The following ABCA4 variants were observed in gnomAD, a reference collection of about 807,000 sequenced individuals.
ABCA4 encodes the protein ATP binding cassette subfamily A member 4.
In ABCA4, 196 loss-of-function variants were observed where a neutral mutation model predicts 263.7. The ratio of observed to expected loss-of-function variants is 0.74; its 90% CI spans 0.66 to 0.84. The LOEUF (loss-of-function observed/expected upper bound fraction) is 0.84, where lower values mean the gene tolerates loss of function less well. Among genes scored for constraint, ABCA4 ranks in the 40% least tolerant of loss-of-function variants. ABCA4 has a pLI of 0.00. For missense variants in ABCA4, 2,792 were observed against 2,855.1 expected (o/e 0.98, Z 0.50); for synonymous variants, 1,133 against 1,094.2 (o/e 1.04, Z -0.70).
At chr1:94,073,371 G>A (rs944643813) in intron 11 of ABCA4, among the ~76,000 whole-genome samples, 13 of 152,110 alleles carry the variant, frequency 8.5e-5, no homozygotes, top group Admixed American at 2.0e-4. Flanking sequence ...AAGTCCTGGC[G>A]GCCCCGGAGG....
intron 40 of ABCA4, 78 bp downstream of exon 40, chr1:94,010,722 G>C: frequency 1.2e-6 from 2 of 1,604,738 alleles, no homozygotes; most frequent in South Asian, 2.2e-5. Context: ...CCTGAGGAAA[G>C]AAATGACCAT....
chr1:94,070,822 A>G (rs1223627691), intron 11 of ABCA4, among the ~76,000 whole-genome samples: 1 of 152,166 alleles, frequency 6.6e-6, no homozygotes, highest in African/African-American at 2.4e-5. Context: ...ACATGGAAGA[A>G]GCATGAAGGG....
intron 1 of ABCA4, among the ~76,000 whole-genome samples, chr1:94,115,925 C>T (rs1313891452): frequency 6.6e-6 from 1 of 152,158 alleles, no homozygotes. Flanking sequence ...ACACACCGTC[C>T]CCTGCTCCAT....
At chr1:94,113,215 AC>A (rs1300049664) in intron 1 of ABCA4, 149 bp from the exon 2 acceptor site, 47 of 751,118 alleles carry the variant, frequency 6.3e-5, no homozygotes, top group Non-Finnish European at 9.6e-5. Context: ...TCCTTCCTTT[AC>A]CCCCTCCCCA....
At chr1:94,016,002 CAT>C in intron 36 of ABCA4, 148 bp from the exon 37 acceptor site, 1 of 748,402 alleles carries the variant, frequency 1.3e-6, no homozygotes, top group Non-Finnish European at 2.3e-6. Context: ...GGTTGGCAAA[CAT>C]ATGTTAAGCT....
intron 11 of ABCA4, among the ~76,000 whole-genome samples, chr1:94,072,603 A>G (rs1296115164): frequency 2.6e-5 from 4 of 152,208 alleles, no homozygotes; most frequent in African/African-American, 9.6e-5. Flanking sequence ...AATATATGTG[A>G]ATAAAGACAC....
At chr1:94,011,886 G>A (rs1659555927) in intron 38 of ABCA4, among the ~76,000 whole-genome samples, 1 of 152,166 alleles carries the variant, frequency 6.6e-6, no homozygotes, top group African/African-American at 2.4e-5. Flanking sequence ...GAAACAACAG[G>A]AGCCCTCAAG....
In ABCA4 at chr1:94,036,684, A is replaced by G. The variant is rs1477530039; in HGVS notation, c.3862+56T>C. The G allele has an allele frequency of 1.3e-5, 21 of 1,579,766 alleles. No individual in the cohort carries two copies. In the Admixed American group the frequency reaches 3.5e-4, roughly 26 times the overall value. ...GTGCCCAGCCCCTTAGACTTTCGAG[A>G]TGGAACTTGGGAGGGAGGCAAGGAA... On this transcript the variant is annotated intron_variant, in intron 26 of 49. Coordinates refer to ENST00000370225, the MANE Select transcript of ABCA4 (RefSeq NM_000350.3).
At chr1:94,031,224 C>T in intron 27 of ABCA4, 104 bp from the exon 28 acceptor site, 3 of 1,471,196 alleles carry the variant, frequency 2.0e-6, no homozygotes, top group South Asian at 2.4e-5. Flanking sequence ...CCTGCAGCCT[C>T]CTAATCAGCC....
At chr1:94,019,876 G>A in intron 35 of ABCA4, 117 bp from the exon 36 acceptor site, 2 of 1,120,652 alleles carry the variant, frequency 1.8e-6, no homozygotes, top group Non-Finnish European at 2.6e-6. Flanking sequence ...TGGCCTCCAG[G>A]TTCCTCTTCT....
intron 47 of ABCA4, among the ~76,000 whole-genome samples, chr1:93,999,150 A>G (rs1458897694): frequency 6.6e-6 from 1 of 151,956 alleles, no homozygotes; most frequent in Non-Finnish European, 1.5e-5. Flanking sequence ...AGTTCAAGCA[A>G]TTCTTGTGCC....
In ABCA4 at chr1:94,029,557, T is replaced by G; in HGVS notation, c.4427A>C (p.Lys1476Thr). 1 of 1,613,748 alleles carries G rather than the reference T, an allele frequency of 6.2e-7. No homozygotes were observed. The highest frequency in any genetic ancestry group is 1.1e-5 in the South Asian group (1 of 90,884). ...VSPNITQLFQ[K>T]QKWTQVNPSP... ...AGGGTTGACCTGTGTCCATTTCTGC[T>G]TCTGGAACAGCTGGGTGATGTTTGG... The change falls in exon 30 of 50, where the codon AAG becomes ACG. Residue 1476 changes from lysine to threonine, a missense_variant. Coordinates refer to ENST00000370225, the MANE Select transcript of ABCA4 (RefSeq NM_000350.3).
chr1:94,101,754 G>T (rs771506982), intron 5 of ABCA4, among the ~76,000 whole-genome samples: 2 of 152,176 alleles, frequency 1.3e-5, no homozygotes, highest in African/African-American at 4.8e-5. Flanking sequence ...TAGCATTCTC[G>T]CTGTGTTCAT....
chr1:94,018,670 C>T (rs1275788991), intron 36 of ABCA4: 1 of 446,772 alleles, frequency 2.2e-6, no homozygotes, highest in Non-Finnish European at 4.5e-6. Flanking sequence ...TCATGTTGGT[C>T]TTAAAATGTT....
chr1:94,084,103 C>T lies in ABCA4; in HGVS notation c.769-662G>A, dbSNP rs571043825. On this transcript the variant is annotated intron_variant, in intron 6 of 49. Transcript: ENST00000370225. ...CCTCGGCAGGGGATGTGGAAGTCCC[C>T]AGGTGTGCTGCCTCCAAGCTCCAGA... Among the ~76,000 whole-genome samples, 16 of 152,346 alleles carry T rather than the reference C, an allele frequency of 1.1e-4. No individual in the cohort carries two copies. The East Asian group carries it at 2.5e-3, about 24-fold the overall frequency.
chr1:94,102,558 C>A (rs1284085042), intron 5 of ABCA4, among the ~76,000 whole-genome samples: 1 of 152,090 alleles, frequency 6.6e-6, no homozygotes, highest in Non-Finnish European at 1.5e-5. Context: ...GCACCCATCA[C>A]AGCCAGAAGT....
intron 11 of ABCA4, among the ~76,000 whole-genome samples, chr1:94,068,417 T>A (rs891397159): frequency 6.6e-6 from 1 of 152,246 alleles, no homozygotes; most frequent in Admixed American, 6.5e-5. Flanking sequence ...TGCATTCTCA[T>A]GGGGAAGCCA....
chr1:94,089,301 A>G (rs1237229440), intron 6 of ABCA4, among the ~76,000 whole-genome samples: 2 of 152,168 alleles, frequency 1.3e-5, no homozygotes, highest in African/African-American at 4.8e-5. Context: ...AAGTGGAAAA[A>G]CCTGAACTGC....
intron 11 of ABCA4, among the ~76,000 whole-genome samples, chr1:94,072,030 G>C (rs376189911): frequency 1.2e-4 from 19 of 152,268 alleles, no homozygotes; most frequent in African/African-American, 4.3e-4. Context: ...ATGATCAGCA[G>C]CTTTATCTTC....
Sources: gnomAD v4.1 joint callset for allele counts (sites outside exome capture counted in the v4.1 genomes callset) on GRCh38, gnomAD v4.1.1 for gene constraint, MANE v1.5 for transcripts, NCBI Gene and HGNC (gene_info 2026-07-23, HGNC 2026-07-21) for gene names.